DOCK9: variants seen among roughly 807,000 people sequenced by gnomAD.
DOCK9 encodes dedicator of cytokinesis 9, also known as dedicator of cytokinesis protein 9.
DOCK9 carries 89 observed loss-of-function variants against 263.3 expected under a neutral mutation model. The ratio of observed to expected loss-of-function variants is 0.34; its 90% CI spans 0.28 to 0.40. DOCK9 has a LOEUF of 0.40. Ranked by LOEUF, DOCK9 falls within the 10% of genes least tolerant of loss-of-function variation. The probability of loss-of-function intolerance (pLI) is 1.00; values close to 1 mark genes in which losing one functional copy is unlikely to be tolerated. For missense variants in DOCK9, 2,140 were observed against 2,603.4 expected (o/e 0.82, Z 3.87); for synonymous variants, 976 against 973.1 (o/e 1.00, Z -0.06).
At position 98,883,891 on chromosome 13, in the gene DOCK9, A is replaced by C. The variant is rs1237744737; in HGVS notation, c.2391T>G (p.Gly797=). ...YQELGMGRHY[G]PEIKWVDGGK... is the part of the protein sequence containing the mutation. ...CTCCATCTACCCATTTAATTTCCGG[A>C]CCATAATGCTAAAAAAAATATGGAA... The change falls in exon 22 of 53, where the codon GGT becomes GGG. Residue 797 remains glycine, a synonymous_variant. Transcript: ENST00000682017. 14 of 1,608,438 alleles carry C rather than the reference A, an allele frequency of 8.7e-6. No homozygotes were observed. Among genetic ancestry groups the C allele is most frequent in the Middle Eastern group, 1.7e-4 (1 of 6,048 alleles).
At position 98,831,683 on chromosome 13, in the gene DOCK9, T is replaced by G; in HGVS notation, c.4418A>C (p.Asn1473Thr). The change falls in exon 40 of 53, where the codon AAT (asparagine) becomes ACT (threonine). Residue 1473 changes from asparagine (N) to threonine (T), a missense_variant. Asn to Thr is a moderately conservative substitution (Grantham distance 65). Coordinates refer to ENST00000682017, the MANE Select transcript of DOCK9 (RefSeq NM_001366683.2). ...QKHQSETALK[N>T]VFTALRSLIY... ...TAAGGACCTTAAGGCAGTGAAGACA[T>G]TTTTTAAAGCCGTTTCAGACTGATG... 1 of 1,613,764 alleles carries G rather than the reference T, an allele frequency of 6.2e-7. No homozygotes were observed. Among genetic ancestry groups the G allele is most frequent in the Non-Finnish European group, 8.5e-7 (1 of 1,179,768 alleles).
intron 1 of DOCK9, among the ~76,000 whole-genome samples, chr13:98,985,283 A>T (rs1878189863): frequency 1.3e-5 from 2 of 152,098 alleles, no homozygotes; most frequent in African/African-American, 4.8e-5. Context: ...CTCATTAAAG[A>T]CAGCCCCACC....
In DOCK9 at chr13:98,794,419, T is replaced by C; in HGVS notation, c.*207A>G. 1 of 579,524 alleles carries C rather than the reference T, an allele frequency of 1.7e-6. No homozygotes were observed. Among genetic ancestry groups the C allele is most frequent in the Non-Finnish European group, 3.0e-6 (1 of 335,458 alleles). The allele number at this position is 579,524 out of a possible 1,614,324, so 35.9% of individuals were successfully genotyped here. ...GTTAAGACACAATGAAAACTTTGAATATTGCCAGTGAGATTTAAAAAAATA... is the reference window on the plus strand; with the variant it reads ...GTTAAGACACAATGAAAACTTTGAACATTGCCAGTGAGATTTAAAAAAATA... On this transcript the variant is annotated 3_prime_UTR_variant, in exon 53 of 53. Transcript: ENST00000682017.
At chr13:98,864,482 T>A (rs1448999636) in intron 30 of DOCK9, among the ~76,000 whole-genome samples, 1 of 152,204 alleles carries the variant, frequency 6.6e-6, no homozygotes, top group Non-Finnish European at 1.5e-5. Context: ...TACTCCTAAA[T>A]CTAGCCAAAA....
Position 99,065,243 on chromosome 13 carries a change from AAAT to A in DOCK9, c.129+20977_129+20979del, listed in dbSNP as rs2041364593. 2.0e-5 allele frequency among the ~76,000 whole-genome samples: 3 copies of A among 152,284 alleles called. No individual in the cohort carries two copies. In the South Asian group the frequency reaches 6.2e-4, roughly 32 times the overall value. On this transcript the variant is annotated intron_variant, in intron 1 of 32. Coordinates refer to the DOCK9 transcript ENST00000427887. ...TCAAATACACATCAGCTTAGTCCCA[AAAT>A]ACTTCTTACACATAACTTACACATT...
rs760103518 is a variant in DOCK9, at chr13:98,825,879, G to A, written c.5023+951C>T. The A allele has an allele frequency of 1.3e-6, 2 of 1,538,492 alleles. No individual in the cohort carries two copies. Among genetic ancestry groups the A allele is most frequent in the South Asian group, 2.5e-5 (2 of 79,104 alleles). On this transcript the variant is annotated intron_variant, in intron 44 of 52. Transcript: ENST00000682017. This position sits in a 1 kb window ranked among gnomAD's most constrained non-coding sequence, Gnocchi z 4.1. The stretch of plus-strand genomic sequence containing the variant: ...GCTGATCCTCAGGCTCACCTCCCCG[G>A]CTCCTCCTCAGGCAGGCGCTATGGC...
chr13:99,052,608 G>A (rs1408157511), intron 1 of DOCK9, among the ~76,000 whole-genome samples: 1 of 151,902 alleles, frequency 6.6e-6, no homozygotes, highest in Non-Finnish European at 1.5e-5. Context: ...GAGGTTTGTG[G>A]GGGTAGACAC....
intron 1 of DOCK9, among the ~76,000 whole-genome samples, chr13:99,060,894 G>GT (rs1370927977): frequency 1.5e-4 from 23 of 152,160 alleles, no homozygotes; most frequent in Admixed American, 2.0e-4. Context: ...TGGCTGGTGT[G>GT]TAACAATACT....
intron 1 of DOCK9, among the ~76,000 whole-genome samples, chr13:99,059,895 T>A (rs535963632): frequency 6.6e-6 from 1 of 152,256 alleles, no homozygotes; most frequent in East Asian, 1.9e-4. Context: ...ATAAATGGAA[T>A]GCAACAATAT....
At chr13:99,039,790 A>G (rs756921117) in intron 1 of DOCK9, among the ~76,000 whole-genome samples, 1 of 152,162 alleles carries the variant, frequency 6.6e-6, no homozygotes, top group Non-Finnish European at 1.5e-5. Flanking sequence ...ACAAAATCCT[A>G]TCTGGACTGT....
intron 13 of DOCK9, among the ~76,000 whole-genome samples, chr13:98,899,465 ACTG>A (rs1462503041): frequency 5.3e-5 from 8 of 152,294 alleles, no homozygotes; most frequent in Admixed American, 2.0e-4. Flanking sequence ...TGCTGTAGGA[ACTG>A]CTGCCTTCAT....
intron 33 of DOCK9, chr13:98,860,100 AACAGTATACAC>A: frequency 9.9e-7 from 1 of 1,010,606 alleles, no homozygotes; most frequent in Non-Finnish European, 1.3e-6. Context: ...AATATCCCTT[AACAGTATACAC>A]AATCCAATTA....
At chr13:98,902,554 A>G (rs560487340) in intron 11 of DOCK9, 63 bp from the exon 12 acceptor site, 2 of 1,501,636 alleles carry the variant, frequency 1.3e-6, no homozygotes, top group Admixed American at 1.9e-5. Flanking sequence ...GAATGTTGCT[A>G]TCAAAAGAGA....
intron 50 of DOCK9, among the ~76,000 whole-genome samples, chr13:98,797,993 T>C (rs950261036): frequency 6.6e-6 from 1 of 152,212 alleles, no homozygotes; most frequent in African/African-American, 2.4e-5. Context: ...ATGGGCAAAC[T>C]GATTTGCTAT....
At position 98,863,446 on chromosome 13, in the gene DOCK9, T is replaced by C; in HGVS notation, c.3389A>G (p.Glu1130Gly). The C allele has an allele frequency of 4.3e-6, 7 of 1,613,910 alleles. No homozygotes were observed. Among genetic ancestry groups the C allele is most frequent in the Non-Finnish European group, 5.9e-6 (7 of 1,179,878 alleles). ...EVGTALQEFR[E>G]VRLIAISVLK... ...CACACTGATGGCGATCAGACGGACC[T>C]CCCGGAACTCCTGGAGGGCTGTCCC... Residue 1130 changes from glutamate to glycine, a missense_variant, in exon 31 of 53, where the codon GAG (glutamate) becomes GGG (glycine). Transcript: ENST00000682017.
rs1485853672 is a variant in DOCK9 at position 98,904,680 on chromosome 13, C to G, written c.987G>C (p.Leu329=). 1 of 1,557,250 alleles carries G rather than the reference C, an allele frequency of 6.4e-7. No individual in the cohort carries two copies. The highest frequency in any genetic ancestry group is 8.7e-7 in the Non-Finnish European group (1 of 1,149,268). The change falls in exon 10 of 53, where the codon CTG becomes CTC. Residue 329 remains leucine, a synonymous_variant. Transcript: ENST00000682017. The part of the protein sequence containing the change: ...AKSAREAEIK[L]KSESRVKLFY... ...AAAGTTTGACTCTGCTTTCACTTTT[C>G]AGTTTGATTTCTGCTTCTCTTGCAC...
At chr13:99,041,663 C>T (rs1181679688) in intron 1 of DOCK9, among the ~76,000 whole-genome samples, 2 of 152,126 alleles carry the variant, frequency 1.3e-5, no homozygotes, top group East Asian at 3.9e-4. Flanking sequence ...ATGTCCACAT[C>T]CTAACCACCA....
At chr13:99,082,842 A>T (rs574437255) in intron 1 of DOCK9, among the ~76,000 whole-genome samples, 1 of 152,348 alleles carries the variant, frequency 6.6e-6, no homozygotes, top group African/African-American at 2.4e-5. Context: ...GTTAAGTTAT[A>T]TACCTAAGAT....
rs2049062559 is a variant in DOCK9, at chr13:98,906,191, TGAGA to T, written c.961-1489_961-1486del. Among the ~76,000 whole-genome samples the T allele has an allele frequency of 2.6e-5, 4 of 152,090 alleles. No individual in the cohort carries two copies. In the South Asian group the frequency reaches 8.3e-4, roughly 32 times the overall value. On this transcript the variant is annotated intron_variant, in intron 9 of 52. Coordinates refer to ENST00000682017, the MANE Select transcript of DOCK9 (RefSeq NM_001366683.2). ...AAGGGATGAAACTTAAGCGCAAGGC[TGAGA>T]GGAAGGCTGGAGTTCCAGCCTTGGG...
Sources: allele counts gnomAD v4.1 joint callset (sites outside exome capture counted in the v4.1 genomes callset), GRCh38; gene constraint gnomAD v4.1.1; non-coding constraint Gnocchi (gnomAD v3.1); transcripts MANE v1.5; gene names NCBI Gene and HGNC (gene_info 2026-07-23, HGNC 2026-07-21).